THSD7B: variants seen among roughly 807,000 people sequenced by gnomAD.
The protein encoded by THSD7B is thrombospondin type-1 domain-containing protein 7B.
In THSD7B, 138 loss-of-function variants were observed where a neutral mutation model predicts 213.6. That is an observed-to-expected ratio of 0.65 (90% CI 0.56 to 0.74). The LOEUF is 0.74. THSD7B is among the 30% of genes least tolerant of loss of function. THSD7B has a pLI of 0.00. For missense variants in THSD7B, 1,931 were observed against 1,991.5 expected (o/e 0.97, Z 0.58); for synonymous variants, 742 against 687.0 (o/e 1.08, Z -1.25).
chr2:137,584,247 A>ATTAGG (rs1393378535), intron 17 of THSD7B, among the ~76,000 whole-genome samples: 8 of 152,278 alleles, frequency 5.3e-5, no homozygotes, highest in Admixed American at 3.9e-4. Flanking sequence ...GGTTGAGATG[A>ATTAGG]TTAGGTTTTC....
intron 2 of THSD7B, among the ~76,000 whole-genome samples, chr2:137,009,341 T>C (rs891679121): frequency 3.9e-5 from 6 of 152,202 alleles, no homozygotes; most frequent in African/African-American, 9.7e-5. Flanking sequence ...CTTGGGATCA[T>C]TGACTCTTTG....
intron 6 of THSD7B, among the ~76,000 whole-genome samples, chr2:137,161,242 C>T (rs1464118477): frequency 1.3e-5 from 2 of 152,086 alleles, no homozygotes; most frequent in African/African-American, 4.8e-5. Context: ...GATATCTTGC[C>T]TTCTCTTTCA....
Position 137,196,344 on chromosome 2 carries a change from A to T in THSD7B, c.1723+25406A>T, listed in dbSNP as rs1201746046. On this transcript the variant is annotated intron_variant, in intron 7 of 27. Coordinates refer to ENST00000409968, the MANE Select transcript of THSD7B (RefSeq NM_001316349.2). ...TACACAATAACCTTTTAATCAAAAC[A>T]CAGCCTTTTAGCTGGAGATGGAAAA... 6.1e-5 allele frequency among the ~76,000 whole-genome samples: 9 copies of T among 148,248 alleles called. 1 individual carries two copies.
chr2:137,546,392 A>AT lies in THSD7B; in HGVS notation c.3139-16828dup, dbSNP rs1680717007. On this transcript the variant is annotated intron_variant, in intron 15 of 27. Coordinates refer to ENST00000409968, the MANE Select transcript of THSD7B (RefSeq NM_001316349.2). ...TATATATATAATATATATATTATAT[A>AT]TATTATATATATTATATATATATTA... 4.9e-4 allele frequency among the ~76,000 whole-genome samples: 19 copies of AT among 39,006 alleles called. 1 individual carries two copies. The highest frequency in any genetic ancestry group is 2.5e-3 in the African/African-American group (18 of 7,186). 25.6% of individuals were successfully genotyped at this position (39,006 alleles called of 152,430 possible).
intron 3 of THSD7B, among the ~76,000 whole-genome samples, chr2:137,080,186 G>GTGTGTGTA (rs1553469345): frequency 6.7e-6 from 1 of 150,074 alleles, no homozygotes; most frequent in African/African-American, 2.5e-5. Flanking sequence ...GTGTGTGTGT[G>GTGTGTGTA]TATATATATA....
chr2:137,356,534 C>A (rs1205470919), intron 12 of THSD7B, among the ~76,000 whole-genome samples: 17 of 152,066 alleles, frequency 1.1e-4, no homozygotes, highest in Non-Finnish European at 4.4e-5. Flanking sequence ...TGATGTAGTC[C>A]CCTCCAACAC....
At chr2:137,342,781 G>T (rs1245257178) in intron 12 of THSD7B, among the ~76,000 whole-genome samples, 1 of 151,632 alleles carries the variant, frequency 6.6e-6, no homozygotes, top group African/African-American at 2.4e-5. Context: ...TATACCTAAA[G>T]AGATGATCAT....
At chr2:137,435,296 C>T (rs1687269609) in intron 14 of THSD7B, among the ~76,000 whole-genome samples, 1 of 152,188 alleles carries the variant, frequency 6.6e-6, no homozygotes, top group African/African-American at 2.4e-5. Flanking sequence ...GTGTTAGGCA[C>T]TCTGCCCAGG....
chr2:137,549,385 A>G (rs774897051), intron 15 of THSD7B, among the ~76,000 whole-genome samples: 1 of 128,338 alleles, frequency 7.8e-6, no homozygotes, highest in Non-Finnish European at 1.5e-5. Flanking sequence ...TGATGGTCAT[A>G]TTCTGTGGCG....
At chr2:136,811,338 T>G (rs1682371748) in intron 1 of THSD7B, among the ~76,000 whole-genome samples, 1 of 152,108 alleles carries the variant, frequency 6.6e-6, no homozygotes, top group Admixed American at 6.5e-5. Context: ...TAGAATAAAT[T>G]CACAGCACAT....
chr2:137,281,373 T>C (rs971394339), intron 12 of THSD7B, among the ~76,000 whole-genome samples: 28 of 151,986 alleles, frequency 1.8e-4, no homozygotes, highest in Non-Finnish European at 2.2e-4. Context: ...ATTTATTTTT[T>C]TACTGGATGA....
chr2:137,643,834 T>C (rs567290137), intron 21 of THSD7B, among the ~76,000 whole-genome samples: 26 of 152,258 alleles, frequency 1.7e-4, no homozygotes, highest in Admixed American at 3.3e-4. Flanking sequence ...ACTGACAATG[T>C]CCACACTCCA....
At position 137,057,326 on chromosome 2, in the gene THSD7B, G is replaced by A. The variant is rs1687189469; in HGVS notation, c.950+96G>A. The A allele has an allele frequency of 7.3e-6, 9 of 1,227,144 alleles. No homozygotes were observed. The South Asian group carries it at 1.1e-4, about 16-fold the overall frequency. 76.0% of individuals were successfully genotyped at this position (1,227,144 alleles called of 1,614,324 possible). A position where few individuals can be genotyped will look rare whatever the true frequency, so the allele number is the denominator to read the frequency against. On this transcript the variant is annotated intron_variant, in intron 3 of 27. Transcript: ENST00000409968. ...TATGATTTTCTACAAAGCGAAAATGGCAACGAGGTTTATAATTTAGGTTTT... is the reference window on the plus strand; with the variant it reads ...TATGATTTTCTACAAAGCGAAAATGACAACGAGGTTTATAATTTAGGTTTT...
At chr2:137,630,230 G>A (rs141536066) in intron 20 of THSD7B, among the ~76,000 whole-genome samples, 3,250 of 152,274 alleles carry the variant, frequency 0.021, 70 homozygotes, top group South Asian at 0.067. Context: ...CTGAGCTCAA[G>A]CAATCTGCCT....
At chr2:137,133,192 G>A (rs1688773385) in intron 5 of THSD7B, among the ~76,000 whole-genome samples, 1 of 152,056 alleles carries the variant, frequency 6.6e-6, no homozygotes, top group South Asian at 2.1e-4. Context: ...GTGCAAAACT[G>A]GTTTGTTTTC....
At chr2:136,818,212 C>A (rs918675886) in intron 1 of THSD7B, among the ~76,000 whole-genome samples, 1 of 148,164 alleles carries the variant, frequency 6.7e-6, no homozygotes, top group Non-Finnish European at 1.5e-5. Flanking sequence ...GAATACTATG[C>A]AGCCATAAAA....
chr2:137,024,955 G>C (rs1426662820), intron 2 of THSD7B, among the ~76,000 whole-genome samples: 2 of 152,122 alleles, frequency 1.3e-5, no homozygotes, highest in Non-Finnish European at 2.9e-5. Context: ...GCCCACCACT[G>C]TCTCATTCCC....
At chr2:136,809,506 A>G (rs1682343652) in intron 1 of THSD7B, among the ~76,000 whole-genome samples, 1 of 152,116 alleles carries the variant, frequency 6.6e-6, no homozygotes, top group Non-Finnish European at 1.5e-5. Context: ...TTGGAATCTT[A>G]TTACAACGTA....
At chr2:137,011,771 G>A (rs1686234907) in intron 2 of THSD7B, among the ~76,000 whole-genome samples, 2 of 152,268 alleles carry the variant, frequency 1.3e-5, no homozygotes, top group Non-Finnish European at 2.9e-5. Flanking sequence ...ACCGCATACA[G>A]TCTCCTCTAA....
Sources: gnomAD v4.1 joint callset for allele counts (sites outside exome capture counted in the v4.1 genomes callset) on GRCh38, gnomAD v4.1.1 for gene constraint, MANE v1.5 for transcripts, NCBI Gene and HGNC (gene_info 2026-07-23, HGNC 2026-07-21) for gene names.